EML5: variants seen among roughly 807,000 people sequenced by gnomAD.
EML5 encodes EMAP like 5.
EML5 carries 120 observed loss-of-function variants against 250.0 expected under a neutral mutation model. The ratio of observed to expected loss-of-function variants is 0.48; its 90% CI spans 0.41 to 0.56. The LOEUF is 0.56. Among genes scored for constraint, EML5 ranks in the 20% least tolerant of loss-of-function variants. The pLI is 0.00. For synonymous variants in EML5, 771 were observed against 806.5 expected (o/e 0.96, Z 0.75); for missense variants, 2,006 against 2,437.6 (o/e 0.82, Z 3.73).
rs1359268266 is a variant in EML5 at position 88,726,678 on chromosome 14, C to G, written c.1050G>C (p.Arg350Ser). ...ATGCATGATCTACTAGGCTCCATAT[C>G]CTGTAAAATTTAATTTAAAAAATAA... is the stretch of plus-strand genomic sequence containing the variant. The part of the protein sequence containing the change: ...AVTGSDDRSV[R>S]IWSLVDHALI... Residue 350 changes from arginine to serine, a missense_variant and splice_region_variant, in exon 8 of 44, where the codon AGG becomes AGC. By Grantham distance (110) the Arg-to-Ser change is moderately radical. Around this residue, in one of 7 missense-constraint regions of EML5, gnomAD observed 1,375 missense variants for 1,590.3 expected, o/e 0.86. Transcript: ENST00000554922. 6 of 1,526,626 alleles carry G rather than the reference C, an allele frequency of 3.9e-6. No homozygotes were observed. The highest frequency in any genetic ancestry group is 5.3e-6 in the Non-Finnish European group (6 of 1,137,416). The allele number at this position is 1,526,626 out of a possible 1,614,324, so 94.6% of individuals were successfully genotyped here.
chr14:88,672,614 G>C (rs775231092), intron 21 of EML5, among the ~76,000 whole-genome samples: 1 of 151,764 alleles, frequency 6.6e-6, no homozygotes, highest in East Asian at 1.9e-4. Context: ...TCCAGGGGCC[G>C]GTTTTTGAAA....
At chr14:88,749,474 G>A (rs1478370172) in intron 2 of EML5, among the ~76,000 whole-genome samples, 1 of 152,036 alleles carries the variant, frequency 6.6e-6, no homozygotes, top group Non-Finnish European at 1.5e-5. Flanking sequence ...ATACCAAATA[G>A]AAACAACTTA....
intron 7 of EML5, among the ~76,000 whole-genome samples, chr14:88,732,325 C>A (rs12385902): frequency 6.6e-6 from 1 of 152,074 alleles, no homozygotes; most frequent in Admixed American, 6.6e-5. Context: ...AATAGGGAAT[C>A]GTTTCCCCAT....
chr14:88,714,263 C>T (rs939037265), intron 9 of EML5, among the ~76,000 whole-genome samples: 2 of 152,122 alleles, frequency 1.3e-5, no homozygotes, highest in African/African-American at 4.8e-5. Context: ...GGTACTTTAC[C>T]ATACACTATA....
At position 88,627,676 on chromosome 14, in the gene EML5, G is replaced by A; in HGVS notation, c.4501C>T (p.His1501Tyr). The A allele has an allele frequency of 6.2e-7, 1 of 1,612,518 alleles. No homozygotes were observed. Among genetic ancestry groups the A allele is most frequent in the Non-Finnish European group, 8.5e-7 (1 of 1,179,456 alleles). The change falls in exon 34 of 44, where the codon CAT becomes TAT. Residue 1501 changes from histidine (H) to tyrosine (Y), a missense_variant. Physicochemically the swap from His to Tyr is moderately conservative, Grantham distance 83. Transcript: ENST00000554922. ...LLLSVGLDPE[H>Y]TITIWRWQEG... The stretch of plus-strand genomic sequence containing the variant: ...TGCCATCTCCAAATGGTAATAGTAT[G>A]TTCTGGGTCTAGTCCCACAGACAGC...
chr14:88,701,023 T>C (rs2093197939), intron 14 of EML5, among the ~76,000 whole-genome samples: 1 of 152,190 alleles, frequency 6.6e-6, no homozygotes, highest in South Asian at 2.1e-4. Flanking sequence ...ACTTCCCCTC[T>C]GCCAGGTAAA....
At chr14:88,759,407 T>C (rs2140433827) in intron 1 of EML5, among the ~76,000 whole-genome samples, 1 of 152,076 alleles carries the variant, frequency 6.6e-6, no homozygotes, top group East Asian at 1.9e-4. Flanking sequence ...GGAGGAAGGC[T>C]GTGTGGTGGC....
chr14:88,661,156 A>G (rs1480437882), intron 25 of EML5, among the ~76,000 whole-genome samples: 1 of 152,176 alleles, frequency 6.6e-6, no homozygotes, highest in East Asian at 1.9e-4. Flanking sequence ...TGACATGACC[A>G]CAGCTCACTG....
chr14:88,760,197 CTT>C (rs755577845), intron 1 of EML5, among the ~76,000 whole-genome samples: 2 of 152,046 alleles, frequency 1.3e-5, no homozygotes, highest in African/African-American at 2.4e-5. Flanking sequence ...AGTTCATTGA[CTT>C]TTGTTTTATG....
Position 88,764,907 on chromosome 14 carries a change from G to A in EML5, c.198-10236C>T, listed in dbSNP as rs559617590. On this transcript the variant is annotated intron_variant, in intron 1 of 43. Coordinates refer to ENST00000554922, the MANE Select transcript of EML5 (RefSeq NM_183387.3). The stretch of plus-strand genomic sequence containing the variant: ...TTTCAATTCTTTTAAATTTGTTAAG[G>A]TTTGTTTTATAATATATAGCCTATT... Among the ~76,000 whole-genome samples the A allele has an allele frequency of 4.6e-5, 7 of 152,046 alleles. No homozygotes were observed. The East Asian group carries it at 1.2e-3, about 25-fold the overall frequency.
intron 13 of EML5, among the ~76,000 whole-genome samples, chr14:88,704,581 T>C (rs1279376107): frequency 6.6e-6 from 1 of 152,208 alleles, no homozygotes; most frequent in African/African-American, 2.4e-5. Context: ...TTACACACAA[T>C]GTAATGTATT....
intron 1 of EML5, among the ~76,000 whole-genome samples, chr14:88,772,110 T>C (rs566017632): frequency 6.6e-6 from 1 of 152,336 alleles, no homozygotes; most frequent in East Asian, 1.9e-4. Context: ...GATATCACCA[T>C]CCATTCAATT....
chr14:88,725,143 G>A (rs1011682063), intron 8 of EML5, among the ~76,000 whole-genome samples: 1 of 152,108 alleles, frequency 6.6e-6, no homozygotes, highest in Admixed American at 6.6e-5. Context: ...TGGTTATCAT[G>A]GGCTTAGGAG....
chr14:88,732,840 T>G (rs1566719907), intron 7 of EML5, among the ~76,000 whole-genome samples: 1 of 152,130 alleles, frequency 6.6e-6, no homozygotes, highest in Non-Finnish European at 1.5e-5. Context: ...TGAGACGGAG[T>G]CTGGCTGTTT....
Position 88,614,325 on chromosome 14 carries a change from T to G in EML5, c.*1493A>C, listed in dbSNP as rs975730675. On this transcript the variant is annotated 3_prime_UTR_variant, in exon 44 of 44. Coordinates refer to ENST00000554922, the MANE Select transcript of EML5 (RefSeq NM_183387.3). ...ACTGATGAACAAGTACCAACTTACG[T>G]TTCAAGCTTCTTAGCCCCATAATCA... is the stretch of plus-strand genomic sequence containing the variant. The G allele has an allele frequency of 3.9e-5, 6 of 152,210 alleles. No homozygotes were observed. Among genetic ancestry groups the G allele is most frequent in the Non-Finnish European group, 8.8e-5 (6 of 68,030 alleles). 9.4% of individuals were successfully genotyped at this position (152,210 alleles called of 1,614,324 possible).
Position 88,715,147 on chromosome 14 carries a change from A to G in EML5, c.1236T>C (p.His412=). 6.2e-7 allele frequency: 1 copy of G among 1,609,794 alleles called. No individual in the cohort carries two copies. Among genetic ancestry groups the G allele is most frequent in the Non-Finnish European group, 8.5e-7 (1 of 1,177,690 alleles). The change falls in exon 9 of 44, where the codon CAT becomes CAC. Residue 412 remains histidine, a synonymous_variant. Coordinates refer to ENST00000554922, the MANE Select transcript of EML5 (RefSeq NM_183387.3). ...VHIKDRKEAI[H]ELKYSPDGTY... is the part of the protein sequence containing the mutation. ...TTCCATCTGGTGAATATTTTAACTC[A>G]TGAATTGCCTCCTTCCTATCTTTAA...
chr14:88,716,437 G>A (rs536149471), intron 8 of EML5, among the ~76,000 whole-genome samples: 8 of 152,060 alleles, frequency 5.3e-5, no homozygotes, highest in South Asian at 2.1e-4. Flanking sequence ...TCCATATACC[G>A]TATTGCCCTT....
chr14:88,659,241 C>CTT (rs201879199), intron 25 of EML5, among the ~76,000 whole-genome samples: 21 of 145,550 alleles, frequency 1.4e-4, no homozygotes, highest in African/African-American at 4.2e-4. Flanking sequence ...TGACGACTCT[C>CTT]TTTTTTTTTT....
At chr14:88,721,339 A>C (rs1488534875) in intron 8 of EML5, among the ~76,000 whole-genome samples, 2 of 152,210 alleles carry the variant, frequency 1.3e-5, no homozygotes, top group Non-Finnish European at 2.9e-5. Context: ...ACAAGGCAGG[A>C]AGCATCACGC....
Sources: allele counts gnomAD v4.1 joint callset (sites outside exome capture counted in the v4.1 genomes callset), GRCh38; gene constraint gnomAD v4.1.1; regional missense constraint gnomAD v4.1.1; transcripts MANE v1.5; gene names NCBI Gene and HGNC (gene_info 2026-07-23, HGNC 2026-07-21).